The following GRHL3 variants were observed in gnomAD, a reference collection of about 807,000 sequenced individuals.
GRHL3 encodes grainyhead-like protein 3 homolog.
GRHL3 carries 20 observed loss-of-function variants against 70.3 expected under a neutral mutation model. The observed-to-expected ratio is 0.28, with a 90% CI of 0.20 to 0.41. The LOEUF (loss-of-function observed/expected upper bound fraction) is 0.41. Ranked by LOEUF, GRHL3 falls within the 10% of genes least tolerant of loss-of-function variation. The probability of loss-of-function intolerance (pLI) is 1.00; values close to 1 mark genes in which losing one functional copy is unlikely to be tolerated. For synonymous variants in GRHL3, 299 were observed against 299.9 expected, an observed-to-expected ratio of 1.00 and a Z score of 0.03; for missense variants, 637 against 762.3, an observed-to-expected ratio of 0.84 and a Z score of 1.94.
chr1:24,345,758 C>G (rs1409582822), intron 12 of GRHL3, among the ~76,000 whole-genome samples: 1 of 152,186 alleles, frequency 6.6e-6, no homozygotes, highest in Non-Finnish European at 1.5e-5. Flanking sequence ...CTGAGCAGTC[C>G]CTTCACCTCT....
intron 14 of GRHL3, among the ~76,000 whole-genome samples, chr1:24,347,920 G>A (rs897953724): frequency 1.3e-5 from 2 of 152,174 alleles, no homozygotes; most frequent in African/African-American, 4.8e-5. Flanking sequence ...TTCCCAGGGG[G>A]CCTCATTCTG....
chr1:24,337,059 G>A lies in GRHL3; in HGVS notation c.613-19G>A. On this transcript the variant is annotated intron_variant, in intron 4 of 15. Transcript: ENST00000361548. Reference sequence around the variant, plus strand: ...GTGAATGTGAGCATTTATTCTCTTGGGGCTGTGTTTCTCTGCAGTCGATGC... The same window carrying A: ...GTGAATGTGAGCATTTATTCTCTTGAGGCTGTGTTTCTCTGCAGTCGATGC... The A allele has an allele frequency of 6.2e-7, 1 of 1,612,320 alleles. No homozygotes were observed.
rs1430810397 is a variant in GRHL3, at chr1:24,319,723, G to T, written c.17+155G>T. The T allele has an allele frequency of 4.5e-6, 7 of 1,572,450 alleles. No individual in the cohort carries two copies. In the Admixed American group the frequency reaches 5.3e-5, roughly 12 times the overall value. ...TGACGATCTTACTTTGGCGTGTCAA[G>T]GCAAGCCCCAGTCTCAAGCTAGAGG... On this transcript the variant is annotated intron_variant, in intron 1 of 15. Coordinates refer to ENST00000361548, the MANE Select transcript of GRHL3 (RefSeq NM_198173.3).
intron 3 of GRHL3, among the ~76,000 whole-genome samples, chr1:24,335,621 T>C (rs901090653): frequency 2.1e-4 from 32 of 152,054 alleles, no homozygotes; most frequent in East Asian, 7.7e-4. Context: ...CTCGCTCTGT[T>C]GCCCAGGCTG....
chr1:24,347,580 C>A (rs754318016), intron 14 of GRHL3, 27 bp downstream of exon 14: 3 of 1,530,452 alleles, frequency 2.0e-6, no homozygotes, highest in East Asian at 2.2e-5. Flanking sequence ...CCCCGCCCCC[C>A]ATGGCAGACC....
At chr1:24,331,733 T>G (rs956441819) in intron 2 of GRHL3, 121 bp downstream of exon 2, 1 of 730,404 alleles carries the variant, frequency 1.4e-6, no homozygotes, top group African/African-American at 1.8e-5. Flanking sequence ...CTTTGCACAA[T>G]GCTGTTCCCT....
intron 15 of GRHL3, among the ~76,000 whole-genome samples, chr1:24,353,749 C>A (rs1446945119): frequency 6.6e-6 from 1 of 152,176 alleles, no homozygotes; most frequent in Non-Finnish European, 1.5e-5. Flanking sequence ...AACAATGGCT[C>A]TGACTCCCTG....
intron 1 of GRHL3, among the ~76,000 whole-genome samples, chr1:24,326,230 C>T (rs1304049103): frequency 6.6e-6 from 1 of 152,224 alleles, no homozygotes; most frequent in Non-Finnish European, 1.5e-5. Context: ...ACCTGGCACA[C>T]AGTAGGCGGA....
At chr1:24,348,805 C>G (rs558934821) in intron 14 of GRHL3, among the ~76,000 whole-genome samples, 1 of 152,218 alleles carries the variant, frequency 6.6e-6, no homozygotes, top group Non-Finnish European at 1.5e-5. Context: ...TAAGAACTCT[C>G]TTGCCAGGAG....
intron 1 of GRHL3, among the ~76,000 whole-genome samples, chr1:24,323,282 T>C (rs142741751): frequency 5.6e-4 from 86 of 152,280 alleles, no homozygotes; most frequent in African/African-American, 2.0e-3. Flanking sequence ...ACCTGGGAAC[T>C]AGTTAAAAAT....
intron 1 of GRHL3, among the ~76,000 whole-genome samples, chr1:24,320,820 G>A (rs1639153695): frequency 6.6e-6 from 1 of 152,188 alleles, no homozygotes; most frequent in Non-Finnish European, 1.5e-5. Context: ...CATTGGTACT[G>A]ACACCTGGGT....
At position 24,337,697 on chromosome 1, in the gene GRHL3, A is replaced by G. The variant is rs1639876597; in HGVS notation, c.748A>G (p.Met250Val). The G allele has an allele frequency of 6.2e-7, 1 of 1,614,062 alleles. No homozygotes were observed. The highest frequency in any genetic ancestry group is 2.2e-5 in the East Asian group (1 of 44,882). ...AIHIKSGESP[M>V]AYLNKGQFYP... ...CCACATCAAGTCAGGCGAGTCACCC[A>G]TGGCCTACCTCAACAAAGGCCAGTT... The change falls in exon 6 of 16, where the codon ATG (methionine) becomes GTG (valine). Residue 250 changes from methionine to valine, a missense_variant. Coordinates refer to ENST00000361548, the MANE Select transcript of GRHL3 (RefSeq NM_198173.3).
intron 7 of GRHL3, among the ~76,000 whole-genome samples, chr1:24,339,233 T>C (rs1038035235): frequency 6.6e-6 from 1 of 152,028 alleles, no homozygotes; most frequent in Non-Finnish European, 1.5e-5. Context: ...AGTGTGGTTC[T>C]TGGGGGAGAG....
In GRHL3 at chr1:24,346,653, C is replaced by T; in HGVS notation, c.1543+12C>T. The stretch of plus-strand genomic sequence containing the variant: ...CGACCTTCAGAGAGGTGACCTCCCG[C>T]CCTCCTCATTTACTCACCAGGCCCA... On this transcript the variant is annotated intron_variant, in intron 13 of 15. Coordinates refer to ENST00000361548, the MANE Select transcript of GRHL3 (RefSeq NM_198173.3). 6.2e-7 allele frequency: 1 copy of T among 1,601,718 alleles called. No individual in the cohort carries two copies. The highest frequency in any genetic ancestry group is 8.5e-7 in the Non-Finnish European group (1 of 1,170,460).
chr1:24,326,485 C>T (rs1442133091), intron 1 of GRHL3, among the ~76,000 whole-genome samples: 1 of 151,774 alleles, frequency 6.6e-6, no homozygotes, highest in East Asian at 1.9e-4. Flanking sequence ...CAGAAGTCCT[C>T]TTGTTTCTTT....
intron 5 of GRHL3, 159 bp from the exon 6 acceptor site, chr1:24,337,477 A>T: frequency 1.4e-6 from 1 of 713,872 alleles, no homozygotes; most frequent in East Asian, 2.7e-5. Flanking sequence ...ATTAAATAGA[A>T]CCCCCAAATT....
At position 24,322,719 on chromosome 1, in the gene GRHL3, A is replaced by C. The variant is rs1639248798; in HGVS notation, c.17+3151A>C. 6.6e-6 allele frequency among the ~76,000 whole-genome samples: 1 copy of C among 152,220 alleles called. No homozygotes were observed. The highest frequency in any genetic ancestry group is 2.4e-5 in the African/African-American group (1 of 41,464). On this transcript the variant is annotated intron_variant, in intron 1 of 15. Transcript: ENST00000361548. The surrounding 1 kb of genome is among the most constrained non-coding windows in gnomAD (Gnocchi z 4.4). ...CCACTGACCCACCGGAGGAGTGAAG[A>C]GGGAAAACGGGGCTGAAACCCAGAT...
chr1:24,341,927 C>T (rs1640057571), intron 8 of GRHL3, among the ~76,000 whole-genome samples, 188 bp from the exon 9 acceptor site: 1 of 152,216 alleles, frequency 6.6e-6, no homozygotes, highest in Non-Finnish European at 1.5e-5. Flanking sequence ...GGGAAAGTTG[C>T]CCCACCTCTC....
chr1:24,341,549 C>T (rs1283446075), intron 8 of GRHL3, among the ~76,000 whole-genome samples: 1 of 152,156 alleles, frequency 6.6e-6, no homozygotes, highest in Non-Finnish European at 1.5e-5. Context: ...GATGGGGTGA[C>T]TAGGATGCTC....
Sources: allele counts gnomAD v4.1 joint callset (sites outside exome capture counted in the v4.1 genomes callset), GRCh38; gene constraint gnomAD v4.1.1; non-coding constraint Gnocchi (gnomAD v3.1); transcripts MANE v1.5; gene names NCBI Gene and HGNC (gene_info 2026-07-23, HGNC 2026-07-21).